The following MID1 variants were observed in gnomAD, a reference collection of about 807,000 sequenced individuals.
MID1 encodes the protein E3 ubiquitin-protein ligase Midline-1.
MID1 carries 7 observed loss-of-function variants against 40.4 expected under a neutral mutation model. The ratio of observed to expected loss-of-function variants is 0.17; its 90% CI spans 0.10 to 0.33. The LOEUF is 0.33. Among genes scored for constraint, MID1 ranks in the 10% least tolerant of loss-of-function variants. The pLI is 1.00. For synonymous variants in MID1, 229 were observed against 221.2 expected (o/e 1.04, Z -0.31); for missense variants, 367 against 558.5 (o/e 0.66, Z 3.46).
intron 1 of MID1, among the ~76,000 whole-genome samples, chrX:10,820,842 T>A (rs1311202866): frequency 8.9e-6 from 1 of 112,552 alleles, no homozygotes; most frequent in Non-Finnish European, 1.9e-5. Flanking sequence ...AATTCATCAC[T>A]AACACACCGT....
chrX:10,726,533 C>A (rs747391832), intron 1 of MID1, among the ~76,000 whole-genome samples: 1 of 111,016 alleles, frequency 9.0e-6, no homozygotes, highest in African/African-American at 3.3e-5. Context: ...ATAAGAGATA[C>A]ATCTGACTAA....
chrX:10,722,459 A>C (rs1213269419), intron 1 of MID1, among the ~76,000 whole-genome samples: 1 of 112,195 alleles, frequency 8.9e-6, no homozygotes, highest in Non-Finnish European at 1.9e-5. Context: ...ATCTAAGACA[A>C]ATAGGAATTA....
intron 1 of MID1, among the ~76,000 whole-genome samples, chrX:10,725,901 G>T: frequency 8.9e-6 from 1 of 111,981 alleles, no homozygotes; most frequent in Non-Finnish European, 1.9e-5. Context: ...GTGCACAAAA[G>T]AAATAATACA....
rs755985917 is a variant in MID1 at position 10,469,703 on chromosome X, C to T, written c.1279G>A (p.Val427Ile). The part of the protein sequence containing the change: ...QYTIFTGQAN[V>I]VSLCNSADSW... ...TAGGCCATGAGATACTCACTAACGA[C>T]GTTGGCTTGTCCGGTGAATATGGTG... is the stretch of plus-strand genomic sequence containing the variant. Residue 427 changes from valine (V) to isoleucine (I), a missense_variant, in exon 7 of 10, where the codon GTC becomes ATC. Physicochemically the swap from Val to Ile is conservative, Grantham distance 29 (BLOSUM62 3). Coordinates refer to ENST00000317552, the MANE Select transcript of MID1 (RefSeq NM_000381.4). 8.3e-6 allele frequency: 10 copies of T among 1,210,031 alleles called. No individual in the cohort carries two copies. Among genetic ancestry groups the T allele is most frequent in the African/African-American group, 3.5e-5 (2 of 57,212 alleles).
chrX:10,610,225 C>T (rs1205002531), intron 1 of MID1, among the ~76,000 whole-genome samples: 2 of 112,257 alleles, frequency 1.8e-5, no homozygotes, highest in Non-Finnish European at 3.8e-5. Flanking sequence ...TGCTCTCACA[C>T]AGGCTGGTTA....
At chrX:10,555,000 A>G (rs1934064087) in intron 2 of MID1, among the ~76,000 whole-genome samples, 2 of 112,205 alleles carry the variant, frequency 1.8e-5, no homozygotes, top group Admixed American at 9.5e-5. Context: ...CTTGGTTAAC[A>G]CAATAGCACT....
chrX:10,777,816 C>T (rs1007580901), intron 1 of MID1, among the ~76,000 whole-genome samples: 1 of 111,973 alleles, frequency 8.9e-6, no homozygotes, highest in Non-Finnish European at 1.9e-5. Flanking sequence ...TTCTTTTTAA[C>T]TTTTTAAACT....
At chrX:10,635,794 A>C (rs761388377) in intron 1 of MID1, among the ~76,000 whole-genome samples, 4 of 112,053 alleles carry the variant, frequency 3.6e-5, no homozygotes, top group Non-Finnish European at 5.6e-5. Flanking sequence ...TATAATAATT[A>C]GGGTGGTGTA....
chrX:10,545,779 C>G (rs1050436573), intron 2 of MID1, among the ~76,000 whole-genome samples: 1 of 111,532 alleles, frequency 9.0e-6, no homozygotes, highest in Non-Finnish European at 1.9e-5. Context: ...GGAAACATAC[C>G]TATTTGAAAG....
At chrX:10,678,061 T>A (rs1302342813) in intron 1 of MID1, among the ~76,000 whole-genome samples, 2 of 110,627 alleles carry the variant, frequency 1.8e-5, no homozygotes, top group African/African-American at 6.6e-5. Flanking sequence ...TTCTAAAAAG[T>A]TTGTAACATG....
chrX:10,724,337 G>A (rs1448244239), intron 1 of MID1, among the ~76,000 whole-genome samples: 1 of 112,111 alleles, frequency 8.9e-6, no homozygotes. Context: ...GGAATTATGG[G>A]TGTGAGCCAT....
At chrX:10,752,352 C>A (rs1175365237) in intron 1 of MID1, among the ~76,000 whole-genome samples, 1 of 111,811 alleles carries the variant, frequency 8.9e-6, no homozygotes, top group Non-Finnish European at 1.9e-5. Flanking sequence ...CATGCGAATT[C>A]TTGTGTCAGT....
At chrX:10,522,201 C>T (rs950930189) in intron 3 of MID1, among the ~76,000 whole-genome samples, 2 of 111,504 alleles carry the variant, frequency 1.8e-5, no homozygotes, top group Admixed American at 9.5e-5. Flanking sequence ...AGGGTGGGCT[C>T]TTTATAACAA....
Position 10,518,617 on chromosome X carries a change from T to C in MID1, c.756+4475A>G, listed in dbSNP as rs376748750. On this transcript the variant is annotated intron_variant, in intron 3 of 9. Transcript: ENST00000317552. ...ATTCATTCATTATAGGAGAATTGGG[T>C]GTTCAACTTTTGAAAATTATACTTT... Among the ~76,000 whole-genome samples the C allele has an allele frequency of 4.1e-4, 46 of 111,900 alleles. 1 individual carries two copies. The highest frequency in any genetic ancestry group is 3.6e-3 in the East Asian group (13 of 3,589).
At chrX:10,630,933 T>C in intron 1 of MID1, among the ~76,000 whole-genome samples, 1 of 110,830 alleles carries the variant, frequency 9.0e-6, no homozygotes, top group East Asian at 2.9e-4. Context: ...TTTACTGAGA[T>C]GGGGACAACT....
chrX:10,576,140 T>A (rs543182082), intron 1 of MID1, among the ~76,000 whole-genome samples: 45 of 111,061 alleles, frequency 4.1e-4, no homozygotes, highest in African/African-American at 9.5e-4. Context: ...TATTATTATT[T>A]TTTTACCTCA....
chrX:10,565,476 A>C, intron 2 of MID1: 1 of 331,557 alleles, frequency 3.0e-6, no homozygotes, highest in Non-Finnish European at 5.9e-6. Flanking sequence ...AGGAGAGGTG[A>C]TAGAAACCAT....
At chrX:10,763,517 A>T (rs1013212298) in intron 1 of MID1, among the ~76,000 whole-genome samples, 2 of 111,729 alleles carry the variant, frequency 1.8e-5, no homozygotes, top group African/African-American at 6.5e-5. Context: ...ATGGCTGCGT[A>T]GTATTCCACG....
chrX:10,521,719 A>G (rs185911987), intron 3 of MID1, among the ~76,000 whole-genome samples: 13 of 112,494 alleles, frequency 1.2e-4, no homozygotes, highest in Admixed American at 1.1e-3. Context: ...TCATGGAAAC[A>G]TATCTGACAA....
Sources: allele counts gnomAD v4.1 joint callset (sites outside exome capture counted in the v4.1 genomes callset), GRCh38; gene constraint gnomAD v4.1.1; transcripts MANE v1.5; gene names NCBI Gene and HGNC (gene_info 2026-07-23, HGNC 2026-07-21).